Variants in KLF12 observed in about 807,000 individuals in gnomAD.
KLF12 encodes the protein KLF transcription factor 12.
A neutral mutation model predicts 37.8 loss-of-function variants in KLF12; 9 were observed. That is an observed-to-expected ratio of 0.24 (90% CI 0.14 to 0.42). The LOEUF (loss-of-function observed/expected upper bound fraction) is 0.42, where lower values mean the gene tolerates loss of function less well. KLF12 is among the 10% of genes least tolerant of loss of function. KLF12 has a pLI of 1.00. For missense variants in KLF12, 411 were observed against 516.0 expected, an observed-to-expected ratio of 0.80 and a Z score of 1.97; for synonymous variants, 208 against 202.1, an observed-to-expected ratio of 1.03 and a Z score of -0.25.
At chr13:73,942,181 T>C (rs9600191) in intron 3 of KLF12, among the ~76,000 whole-genome samples, 8,377 of 152,252 alleles carry the variant, frequency 0.055, 298 homozygotes, top group African/African-American at 0.1. Context: ...CCAAGACTGG[T>C]GACAGCAACC....
chr13:73,759,373 A>T (rs1879398309), intron 6 of KLF12, among the ~76,000 whole-genome samples: 1 of 152,214 alleles, frequency 6.6e-6, no homozygotes, highest in Non-Finnish European at 1.5e-5. Flanking sequence ...AATTAAAATT[A>T]AAAAATCAAT....
chr13:74,124,938 G>T (rs1480607838), intron 1 of KLF12, among the ~76,000 whole-genome samples: 1 of 152,046 alleles, frequency 6.6e-6, no homozygotes, highest in Non-Finnish European at 1.5e-5. Flanking sequence ...TTGAGGTCAG[G>T]AGTTGGAGAC....
Position 73,978,697 on chromosome 13 carries a change from A to G in KLF12, c.33+16293T>C, listed in dbSNP as rs1020775821. Among the ~76,000 whole-genome samples, 5 of 152,198 alleles carry G rather than the reference A, an allele frequency of 3.3e-5. 1 individual carries two copies. Among genetic ancestry groups the G allele is most frequent in the Admixed American group, 6.5e-5 (1 of 15,272 alleles). On this transcript the variant is annotated intron_variant, in intron 2 of 7. Coordinates refer to ENST00000377669, the MANE Select transcript of KLF12 (RefSeq NM_007249.5). ...AGCCAAATGAGTTGAAAACTTATAT[A>G]TATCTACACAAAAATATGCATACCG...
the KLF12 span, among the ~76,000 whole-genome samples, chr13:74,275,840 TTCTTTCTTTCTTTCTTTCTTTCTTTCTA>T: frequency 1.2e-3 from 147 of 122,658 alleles, no homozygotes; most frequent in Admixed American, 5.6e-3. Flanking sequence ...CTTTCTTTCT[TTCTTTCTTTCTTTCTTTCTTTCTTTCTA>T]TCTTTCTTTC....
At chr13:74,271,471 T>C in the KLF12 span, among the ~76,000 whole-genome samples, 1 of 152,228 alleles carries the variant, frequency 6.6e-6, no homozygotes. Context: ...ACCATTTTTA[T>C]ATCATAGCAG....
At chr13:73,728,603 C>T (rs1876839520) in intron 6 of KLF12, among the ~76,000 whole-genome samples, 1 of 152,154 alleles carries the variant, frequency 6.6e-6, no homozygotes, top group South Asian at 2.1e-4. Context: ...GCCACCTATT[C>T]CTAGTGTACT....
intron 1 of KLF12, among the ~76,000 whole-genome samples, chr13:74,062,779 AC>A (rs1313011438): frequency 3.9e-5 from 6 of 152,182 alleles, no homozygotes; most frequent in Admixed American, 6.5e-5. Flanking sequence ...AAAAAGAAAA[AC>A]GAAAAAATCC....
At chr13:74,015,973 A>C (rs1359295420) in intron 1 of KLF12, among the ~76,000 whole-genome samples, 2 of 152,202 alleles carry the variant, frequency 1.3e-5, no homozygotes, top group Admixed American at 6.5e-5. Flanking sequence ...TAAAAGATGG[A>C]CATAACAGAT....
chr13:73,852,870 TG>T (rs1885404494), intron 3 of KLF12, among the ~76,000 whole-genome samples: 1 of 148,618 alleles, frequency 6.7e-6, no homozygotes, highest in Non-Finnish European at 1.5e-5. Context: ...TTTACATTTA[TG>T]TTTTTTTTTT....
chr13:73,810,428 T>C (rs1168923743), intron 5 of KLF12, among the ~76,000 whole-genome samples: 1 of 152,112 alleles, frequency 6.6e-6, no homozygotes, highest in South Asian at 2.1e-4. Context: ...GGAGTAAGCA[T>C]ACTTTTTTTA....
intron 3 of KLF12, among the ~76,000 whole-genome samples, chr13:73,879,284 A>G (rs1886866898): frequency 2.6e-5 from 4 of 152,052 alleles, no homozygotes. Flanking sequence ...GCAAAATCCT[A>G]CTCATTCCAA....
intron 1 of KLF12, among the ~76,000 whole-genome samples, chr13:74,032,245 A>C (rs906166872): frequency 8.5e-5 from 13 of 152,186 alleles, no homozygotes; most frequent in African/African-American, 2.7e-4. Context: ...TTTCTAACAG[A>C]AACTGAAGAA....
the KLF12 span, among the ~76,000 whole-genome samples, chr13:74,254,922 T>C: frequency 6.6e-6 from 1 of 152,164 alleles, no homozygotes; most frequent in Non-Finnish European, 1.5e-5. Flanking sequence ...TGGCCATAAA[T>C]GGACCATAGA....
chr13:74,082,165 A>AAAAAAAAAAAAAAAAAAAAAAAC (rs1566203395), intron 1 of KLF12, among the ~76,000 whole-genome samples: 22 of 146,496 alleles, frequency 1.5e-4, no homozygotes, highest in African/African-American at 5.5e-4. Flanking sequence ...CTGTCTCTTA[A>AAAAAAAAAAAAAAAAAAAAAAAC]AAAAAAAAAA....
At chr13:74,191,255 C>T in the KLF12 span, among the ~76,000 whole-genome samples, 8 of 152,162 alleles carry the variant, frequency 5.3e-5, no homozygotes, top group South Asian at 2.1e-4. Flanking sequence ...ATCTGTGGCA[C>T]GCAGGTGGCT....
Position 73,889,147 on chromosome 13 carries a change from T to C in KLF12, c.124-42774A>G, listed in dbSNP as rs116819243. ...GTGCCTCTCTCCTTTTAGAAGGGGA[T>C]TGGAGAGTTGGGTAGAGACACAGAA... On this transcript the variant is annotated intron_variant, in intron 3 of 7. Transcript: ENST00000377669. Among the ~76,000 whole-genome samples, 510 of 152,222 alleles carry C rather than the reference T, an allele frequency of 3.4e-3. 4 individuals are homozygous for C. The highest frequency in any genetic ancestry group is 0.012 in the African/African-American group (488 of 41,546).
At chr13:73,985,203 C>T (rs1409495074) in intron 2 of KLF12, among the ~76,000 whole-genome samples, 1 of 152,314 alleles carries the variant, frequency 6.6e-6, no homozygotes, top group Admixed American at 6.5e-5. Flanking sequence ...CTGAGCAGAG[C>T]AAGGAGAAGC....
At chr13:74,196,144 C>A in the KLF12 span, among the ~76,000 whole-genome samples, 1 of 152,188 alleles carries the variant, frequency 6.6e-6, no homozygotes, top group African/African-American at 2.4e-5. Context: ...CATACAACAA[C>A]CATGTGTCCT....
chr13:74,134,936 CGGAG>C (rs1878487047), upstream of KLF12, among the ~76,000 whole-genome samples: 1 of 151,844 alleles, frequency 6.6e-6, no homozygotes, highest in Admixed American at 6.6e-5. Flanking sequence ...AAGGTGTGGG[CGGAG>C]CCGGCCGGGA....
Sources: allele counts gnomAD v4.1 joint callset (sites outside exome capture counted in the v4.1 genomes callset), GRCh38; gene constraint gnomAD v4.1.1; transcripts MANE v1.5; gene names NCBI Gene and HGNC (gene_info 2026-07-23, HGNC 2026-07-21).